The following AGBL4 variants were observed in gnomAD, a reference collection of about 807,000 sequenced individuals.
AGBL4 encodes cytosolic carboxypeptidase 6.
Under a neutral mutation model 66.4 loss-of-function variants are expected in AGBL4, and 58 were observed. The observed-to-expected ratio is 0.87, with a 90% CI of 0.71 to 1.09. The LOEUF (loss-of-function observed/expected upper bound fraction) is 1.09, where lower values mean the gene tolerates loss of function less well. Among genes scored for constraint, AGBL4 ranks in the 50% least tolerant of loss-of-function variants. The pLI is 0.00. For synonymous variants in AGBL4, 234 were observed against 222.9 expected, an observed-to-expected ratio of 1.05 and a Z score of -0.44; for missense variants, 579 against 631.0, an observed-to-expected ratio of 0.92 and a Z score of 0.88.
chr1:49,556,016 A>G (rs924482025), intron 3 of AGBL4, among the ~76,000 whole-genome samples: 1 of 152,184 alleles, frequency 6.6e-6, no homozygotes, highest in African/African-American at 2.4e-5. Context: ...TGACTCAACT[A>G]TCCCATTACT....
chr1:48,905,445 A>C (rs1652494915), intron 5 of AGBL4, among the ~76,000 whole-genome samples: 2 of 152,262 alleles, frequency 1.3e-5, no homozygotes, highest in African/African-American at 4.8e-5. Flanking sequence ...AATGCAACCC[A>C]AAACACAGTT....
At chr1:49,503,128 C>T (rs538693916) in intron 3 of AGBL4, among the ~76,000 whole-genome samples, 1 of 152,112 alleles carries the variant, frequency 6.6e-6, no homozygotes, top group Non-Finnish European at 1.5e-5. Context: ...GGACTTGGTG[C>T]CCTGTGTCCC....
chr1:49,061,031 T>C (rs113420332), intron 4 of AGBL4, among the ~76,000 whole-genome samples: 9 of 152,136 alleles, frequency 5.9e-5, no homozygotes, highest in African/African-American at 2.2e-4. Flanking sequence ...GATAATGAGG[T>C]TGGAGCCAAG....
rs147444887 is a variant in AGBL4 at position 49,109,965 on chromosome 1, G to A, written c.378-64165C>T. 6.2e-3 allele frequency among the ~76,000 whole-genome samples: 948 copies of A among 152,046 alleles called. 40 individuals carry two copies. Among genetic ancestry groups the A allele is most frequent in the Admixed American group, 0.058 (892 of 15,256 alleles). Reference sequence around the variant, plus strand: ...TTTTTCTCACTCCATTTCAGCTCCCGTCACCTCATCTCTCCCCCATCAACA... The same window carrying A: ...TTTTTCTCACTCCATTTCAGCTCCCATCACCTCATCTCTCCCCCATCAACA... On this transcript the variant is annotated intron_variant, in intron 4 of 13. Coordinates refer to ENST00000371839, the MANE Select transcript of AGBL4 (RefSeq NM_032785.4).
chr1:49,377,268 C>A (rs1644490631), intron 3 of AGBL4, among the ~76,000 whole-genome samples: 1 of 152,078 alleles, frequency 6.6e-6, no homozygotes, highest in African/African-American at 2.4e-5. Context: ...TAATTATGTA[C>A]TATGTGCCTT....
chr1:49,697,983 G>A (rs1181048383), intron 2 of AGBL4, among the ~76,000 whole-genome samples: 1 of 152,020 alleles, frequency 6.6e-6, no homozygotes, highest in Non-Finnish European at 1.5e-5. Context: ...TGCTACATAA[G>A]AATAACACAA....
At chr1:48,732,828 G>C (rs1648362340) in intron 6 of AGBL4, among the ~76,000 whole-genome samples, 1 of 152,186 alleles carries the variant, frequency 6.6e-6, no homozygotes, top group Non-Finnish European at 1.5e-5. Context: ...GGAGTGCTTG[G>C]TAGGATCAGC....
At chr1:48,715,075 A>C (rs1271732412) in intron 6 of AGBL4, among the ~76,000 whole-genome samples, 1 of 152,220 alleles carries the variant, frequency 6.6e-6, no homozygotes, top group Admixed American at 6.5e-5. Context: ...CGGTTCAGAC[A>C]ATGTGGACAA....
rs182961575 is a variant in AGBL4 at position 49,427,596 on chromosome 1, T to G, written c.283-181732A>C. Among the ~76,000 whole-genome samples, 30 of 152,122 alleles carry G rather than the reference T, an allele frequency of 2.0e-4. No individual in the cohort carries two copies. In the East Asian group the frequency reaches 5.0e-3, roughly 25 times the overall value. ...TTCAGATGTTCAGATGTGTCCGGAG[T>G]TTCTTCCTTCCGGTGGGTTCGTGGT... On this transcript the variant is annotated intron_variant, in intron 3 of 13. Transcript: ENST00000371839.
chr1:49,198,355 A>G (rs1244313716), intron 4 of AGBL4, among the ~76,000 whole-genome samples: 1 of 152,082 alleles, frequency 6.6e-6, no homozygotes, highest in African/African-American at 2.4e-5. Context: ...TAATTAATTT[A>G]TTCGAAATGG....
intron 3 of AGBL4, among the ~76,000 whole-genome samples, chr1:49,351,199 G>T (rs553506920): frequency 2.0e-5 from 3 of 152,010 alleles, no homozygotes; most frequent in African/African-American, 4.8e-5. Flanking sequence ...TTTTTCCCCC[G>T]AATTTTACAA....
chr1:48,726,315 G>A (rs1453900941), intron 6 of AGBL4, among the ~76,000 whole-genome samples: 1 of 152,156 alleles, frequency 6.6e-6, no homozygotes, highest in Admixed American at 6.5e-5. Flanking sequence ...GTTACTCACA[G>A]AGAGAAAAGG....
At position 48,645,492 on chromosome 1, in the gene AGBL4, G is replaced by C. The variant is rs145107890; in HGVS notation, c.839+7845C>G. Among the ~76,000 whole-genome samples the C allele has an allele frequency of 7.8e-3, 1,192 of 152,272 alleles. 11 individuals carry two copies. Among genetic ancestry groups the C allele is most frequent in the Admixed American group, 0.01 (156 of 15,290 alleles). ...AAATTAAAGATTTAGGCTGAGGAGAGCTCAATGTCAGACAGAAATATATGC... is the reference window on the plus strand; with the variant it reads ...AAATTAAAGATTTAGGCTGAGGAGACCTCAATGTCAGACAGAAATATATGC... On this transcript the variant is annotated intron_variant, in intron 8 of 13. Coordinates refer to ENST00000371839, the MANE Select transcript of AGBL4 (RefSeq NM_032785.4).
At chr1:49,313,549 T>A (rs1028290546) in intron 3 of AGBL4, among the ~76,000 whole-genome samples, 1 of 152,188 alleles carries the variant, frequency 6.6e-6, no homozygotes, top group Non-Finnish European at 1.5e-5. Context: ...GTTTCCTGAA[T>A]TTTTAATGAT....
chr1:49,077,964 A>T (rs1322289077), intron 4 of AGBL4, among the ~76,000 whole-genome samples: 1 of 152,136 alleles, frequency 6.6e-6, no homozygotes, highest in Non-Finnish European at 1.5e-5. Flanking sequence ...CATTTTATTC[A>T]TTATTATTAA....
chr1:48,769,570 C>CA (rs1553229980), intron 6 of AGBL4, among the ~76,000 whole-genome samples: 6,173 of 142,158 alleles, frequency 0.043, 194 homozygotes, highest in East Asian at 0.12. Flanking sequence ...CACACACACA[C>CA]AAGTTAAATT....
At chr1:49,371,337 T>C (rs1644341576) in intron 3 of AGBL4, among the ~76,000 whole-genome samples, 1 of 152,182 alleles carries the variant, frequency 6.6e-6, no homozygotes, top group Non-Finnish European at 1.5e-5. Context: ...CTGGCTAGTA[T>C]ATATGTTTAC....
At chr1:49,500,539 T>C (rs1648051571) in intron 3 of AGBL4, among the ~76,000 whole-genome samples, 1 of 152,046 alleles carries the variant, frequency 6.6e-6, no homozygotes, top group Admixed American at 6.6e-5. Context: ...TTGACTCACC[T>C]TGAGTTGGTT....
At chr1:49,096,123 T>G (rs891428307) in intron 4 of AGBL4, among the ~76,000 whole-genome samples, 15 of 151,520 alleles carry the variant, frequency 9.9e-5, no homozygotes, top group African/African-American at 3.4e-4. Context: ...GAAATGCAAA[T>G]CAAAACCACA....
Sources: gnomAD v4.1 joint callset for allele counts (sites outside exome capture counted in the v4.1 genomes callset) on GRCh38, gnomAD v4.1.1 for gene constraint, MANE v1.5 for transcripts, NCBI Gene and HGNC (gene_info 2026-07-23, HGNC 2026-07-21) for gene names.